Variants in GNE observed in about 807,000 individuals in gnomAD.
GNE encodes the protein bifunctional UDP-N-acetylglucosamine 2-epimerase/N-acetylmannosamine kinase.
A neutral mutation model predicts 61.8 loss-of-function variants in GNE; 41 were observed. That is an observed-to-expected ratio of 0.66 (90% CI 0.52 to 0.86). GNE has a LOEUF of 0.86. Ranked by LOEUF, GNE falls within the 40% of genes least tolerant of loss-of-function variation. The probability of loss-of-function intolerance (pLI) is 0.00; values close to 1 mark genes in which losing one functional copy is unlikely to be tolerated. For missense variants in GNE, 608 were observed against 909.1 expected (o/e 0.67, Z 4.26); for synonymous variants, 264 against 326.4 (o/e 0.81, Z 2.06).
chr9:36,275,013 C>G (rs1019125470), intron 1 of GNE, among the ~76,000 whole-genome samples: 1 of 152,178 alleles, frequency 6.6e-6, no homozygotes, highest in Non-Finnish European at 1.5e-5. Context: ...CGCGAGCCAC[C>G]GCACCCGGCC....
intron 1 of GNE, among the ~76,000 whole-genome samples, chr9:36,267,056 ACTCAGT>A (rs902495513): frequency 5.3e-5 from 8 of 152,180 alleles, no homozygotes; most frequent in Non-Finnish European, 1.0e-4. Flanking sequence ...ACAGAGTGAG[ACTCAGT>A]CTCAAAAAAA....
rs1417122376 is a variant in GNE, at chr9:36,218,216, C to T, written c.1900G>A (p.Gly634Ser). 1 of 1,614,026 alleles carries T rather than the reference C, an allele frequency of 6.2e-7. No homozygotes were observed. Among genetic ancestry groups the T allele is most frequent in the Non-Finnish European group, 8.5e-7 (1 of 1,179,914 alleles). Residue 634 changes from glycine (G) to serine (S), a missense_variant, in exon 11 of 12, where the codon GGC (glycine) becomes AGC (serine). Transcript: ENST00000642385. The surrounding 1 kb of genome is among the most constrained non-coding windows in gnomAD (Gnocchi z 4.1). ...ALHLIQAAKL[G>S]NAKAQSILRT... Reference sequence around the variant, plus strand: ...AGGATGCTCTGGGCCTTCGCATTGCCAAGTTTCGCAGCTTGGATGAGATGG... The same window carrying T: ...AGGATGCTCTGGGCCTTCGCATTGCTAAGTTTCGCAGCTTGGATGAGATGG...
At chr9:36,265,483 A>C (rs1830744405) in intron 1 of GNE, 1 of 456,696 alleles carries the variant, frequency 2.2e-6, no homozygotes, top group Non-Finnish European at 4.4e-6. Context: ...AGCCAATATC[A>C]TGAAGAAATC....
chr9:36,247,792 G>T (rs4879963), intron 2 of GNE, among the ~76,000 whole-genome samples: 8 of 151,758 alleles, frequency 5.3e-5, no homozygotes, highest in Admixed American at 2.6e-4. Flanking sequence ...TTTGGGAGGC[G>T]GAGGCAGGTG....
chr9:36,240,353 G>A (rs1266391632), intron 3 of GNE, among the ~76,000 whole-genome samples: 1 of 152,190 alleles, frequency 6.6e-6, no homozygotes, highest in African/African-American at 2.4e-5. Flanking sequence ...TGATTTTGCT[G>A]AGAGTTTTAA....
rs562330490 is a variant in GNE, at chr9:36,231,477, A to T, written c.983-2369T>A. On this transcript the variant is annotated intron_variant, in intron 5 of 11. Coordinates refer to ENST00000642385, the MANE Select transcript of GNE (RefSeq NM_005476.7). ...CAAAACAAACAAACAAACAAAAAAG[A>T]CTATATTCTTCAGCTTGCCTTGCAG... is the stretch of plus-strand genomic sequence containing the variant. 2.0e-5 allele frequency among the ~76,000 whole-genome samples: 3 copies of T among 152,278 alleles called. No individual in the cohort carries two copies. In the East Asian group the frequency reaches 5.8e-4, roughly 29 times the overall value.
chr9:36,254,227 A>AATAAATAC (rs1347061622), intron 1 of GNE, among the ~76,000 whole-genome samples: 33 of 149,572 alleles, frequency 2.2e-4, no homozygotes, highest in Non-Finnish European at 4.5e-4. Flanking sequence ...TAAATAAATA[A>AATAAATAC]ATAAAAACAA....
intron 1 of GNE, among the ~76,000 whole-genome samples, chr9:36,255,115 C>T (rs1243712794): frequency 1.3e-5 from 2 of 152,164 alleles, no homozygotes; most frequent in African/African-American, 4.8e-5. Flanking sequence ...CTGGTAAGTA[C>T]GAGGCATTTT....
In GNE at chr9:36,227,230, GT is replaced by G. The variant is rs1828908168; in HGVS notation, c.1281+17del. 6.5e-7 allele frequency: 1 copy of G among 1,536,324 alleles called. No individual in the cohort carries two copies. Among genetic ancestry groups the G allele is most frequent in the Non-Finnish European group, 9.0e-7 (1 of 1,109,016 alleles). Reference sequence around the variant, plus strand: ...GCTCATATGGGATATAAAGTTAGGAGTTTAGGAGTTATTTTACCTTCATGCT... The same window carrying G: ...GCTCATATGGGATATAAAGTTAGGAGTTAGGAGTTATTTTACCTTCATGCT... On this transcript the variant is annotated intron_variant, in intron 7 of 11. Transcript: ENST00000642385.
chr9:36,263,061 G>A (rs890107448), upstream of GNE: 2 of 152,212 alleles, frequency 1.3e-5, no homozygotes, highest in Non-Finnish European at 2.9e-5. Flanking sequence ...AAACAGAAGA[G>A]CCCAGCCCTT....
intron 1 of GNE, among the ~76,000 whole-genome samples, chr9:36,275,220 G>A (rs1220198850): frequency 6.6e-6 from 1 of 152,126 alleles, no homozygotes; most frequent in Non-Finnish European, 1.5e-5. Context: ...AATTCTCAGT[G>A]AATCGTATTA....
intron 1 of GNE, among the ~76,000 whole-genome samples, chr9:36,258,083 C>T (rs1233163017): frequency 1.3e-5 from 2 of 152,168 alleles, no homozygotes; most frequent in Non-Finnish European, 2.9e-5. Context: ...ACATCCCCTC[C>T]CCTGCTCATC....
intron 1 of GNE, among the ~76,000 whole-genome samples, chr9:36,264,519 A>G (rs1830705588): frequency 6.6e-6 from 1 of 152,116 alleles, no homozygotes; most frequent in Non-Finnish European, 1.5e-5. Context: ...AGAATCCCCA[A>G]CCTTATTTCG....
upstream of GNE, among the ~76,000 whole-genome samples, chr9:36,259,442 A>G (rs1299638506): frequency 6.6e-6 from 1 of 152,218 alleles, no homozygotes; most frequent in Admixed American, 6.5e-5. Context: ...AACTAAGTCT[A>G]ACAGTTCATT....
chr9:36,234,870 T>G (rs1466008149), intron 4 of GNE, among the ~76,000 whole-genome samples: 1 of 152,152 alleles, frequency 6.6e-6, no homozygotes, highest in Non-Finnish European at 1.5e-5. Flanking sequence ...TTTTTAACTT[T>G]TATTGTGTTG....
chr9:36,216,078 T>C lies in GNE; in HGVS notation c.*1287A>G, dbSNP rs1252904017. 1 of 322,742 alleles carries C rather than the reference T, an allele frequency of 3.1e-6. No homozygotes were observed. Among genetic ancestry groups the C allele is most frequent in the Non-Finnish European group, 6.2e-6 (1 of 160,180 alleles). 20.0% of individuals were successfully genotyped at this position (322,742 alleles called of 1,614,324 possible). A position where few individuals can be genotyped will look rare whatever the true frequency, so the allele number is the denominator to read the frequency against. ...TGTAAGTTCAGCTAGAGTAATAACATCTTTCAACAAATGGTATCCAGGATT... is the reference window on the plus strand; with the variant it reads ...TGTAAGTTCAGCTAGAGTAATAACACCTTTCAACAAATGGTATCCAGGATT... On this transcript the variant is annotated 3_prime_UTR_variant, in exon 12 of 12. Transcript: ENST00000642385.
chr9:36,276,932 C>CT lies in GNE; in HGVS notation c.12_13insA (p.Gly5ArgfsTer14), dbSNP rs1831284108. 1 of 1,613,048 alleles carries CT rather than the reference C, an allele frequency of 6.2e-7. No individual in the cohort carries two copies. Among genetic ancestry groups the CT allele is most frequent in the Admixed American group, 1.7e-5 (1 of 59,926 alleles). On this transcript the variant is annotated frameshift_variant, in exon 1 of 12. Transcript: ENST00000396594. LOFTEE classifies it high-confidence loss of function. ...AAGCATGACTCCCTCTGCAGATAAC[C>CT]ATAGGTTTCCATCCCGAAGCACGAG...
rs146610298 is a variant in GNE, at chr9:36,229,920, C to T, written c.983-812G>A. 5.9e-3 allele frequency among the ~76,000 whole-genome samples: 899 copies of T among 152,060 alleles called. 4 individuals are homozygous for T. Among genetic ancestry groups the T allele is most frequent in the Non-Finnish European group, 9.5e-3 (645 of 67,988 alleles). On this transcript the variant is annotated intron_variant, in intron 5 of 11. Coordinates refer to ENST00000642385, the MANE Select transcript of GNE (RefSeq NM_005476.7). ...AGTGTAGTGGCAAAAAGTACAGAGACCATGTTGGCATATGGTTCAATTCTC... is the reference window on the plus strand; with the variant it reads ...AGTGTAGTGGCAAAAAGTACAGAGATCATGTTGGCATATGGTTCAATTCTC...
At chr9:36,231,278 A>T (rs1344128997) in intron 5 of GNE, among the ~76,000 whole-genome samples, 1 of 152,186 alleles carries the variant, frequency 6.6e-6, no homozygotes, top group East Asian at 1.9e-4. Flanking sequence ...AAGCCTGGAC[A>T]ACAAAGCAAG....
Sources: allele counts gnomAD v4.1 joint callset (sites outside exome capture counted in the v4.1 genomes callset), GRCh38; gene constraint gnomAD v4.1.1; non-coding constraint Gnocchi (gnomAD v3.1); transcripts MANE v1.5; gene names NCBI Gene and HGNC (gene_info 2026-07-23, HGNC 2026-07-21).